The following NEK1 variants were observed in gnomAD, a reference collection of about 807,000 sequenced individuals.
The protein encoded by NEK1 is NIMA related kinase 1.
A neutral mutation model predicts 182.1 loss-of-function variants in NEK1; 137 were observed. The ratio of observed to expected loss-of-function variants is 0.75; its 90% CI spans 0.65 to 0.87. The LOEUF (loss-of-function observed/expected upper bound fraction) is 0.87. NEK1 is among the 40% of genes least tolerant of loss of function. NEK1 has a pLI of 0.00. For synonymous variants in NEK1, 513 were observed against 492.2 expected (o/e 1.04, Z -0.56); for missense variants, 1,391 against 1,494.4 (o/e 0.93, Z 1.14).
At chr4:169,474,478 T>G (rs1054428944) in intron 26 of NEK1, among the ~76,000 whole-genome samples, 7 of 152,222 alleles carry the variant, frequency 4.6e-5, no homozygotes, top group Non-Finnish European at 8.8e-5. Flanking sequence ...GAAAAGGTTC[T>G]AAACTCTCTT....
At chr4:169,430,533 T>A (rs1383320483) in intron 29 of NEK1, among the ~76,000 whole-genome samples, 1 of 152,114 alleles carries the variant, frequency 6.6e-6, no homozygotes. Flanking sequence ...TATAACTAGA[T>A]GACATTCTGG....
chr4:169,587,480 ATATAACT>A, intron 9 of NEK1, 72 bp downstream of exon 9: 1 of 802,282 alleles, frequency 1.2e-6, no homozygotes, highest in Middle Eastern at 3.4e-4. Flanking sequence ...CTGAAAGATA[ATATAACT>A]TAAAATATAA....
chr4:169,495,131 T>C (rs950728221), intron 23 of NEK1, among the ~76,000 whole-genome samples: 3 of 152,082 alleles, frequency 2.0e-5, no homozygotes, highest in African/African-American at 4.8e-5. Flanking sequence ...TTTGTTGCCA[T>C]TGCTTTTGGT....
chr4:169,564,744 A>G (rs887626504), intron 12 of NEK1, among the ~76,000 whole-genome samples: 1 of 152,192 alleles, frequency 6.6e-6, no homozygotes, highest in Non-Finnish European at 1.5e-5. Context: ...TGAATATATT[A>G]TTGAGTATGA....
At chr4:169,458,484 T>C (rs66657210) in intron 27 of NEK1, among the ~76,000 whole-genome samples, 43,129 of 151,860 alleles carry the variant, frequency 0.28, 8,732 homozygotes, top group African/African-American at 0.58. Context: ...TCCCAGCACT[T>C]TGGGAGGCTG....
At chr4:169,419,722 ATGGTATTAGCC>A (rs1735151819) in intron 31 of NEK1, among the ~76,000 whole-genome samples, 1 of 152,204 alleles carries the variant, frequency 6.6e-6, no homozygotes, top group Admixed American at 6.5e-5. Context: ...ACAAACCTAG[ATGGTATTAGCC>A]TACTACATAT....
Position 169,610,294 on chromosome 4 carries a change from G to A in NEK1, c.-49+1726C>T, listed in dbSNP as rs567016368. 1.5e-3 allele frequency among the ~76,000 whole-genome samples: 224 copies of A among 151,340 alleles called. 2 individuals carry two copies. Among genetic ancestry groups the A allele is most frequent in the Non-Finnish European group, 9.7e-4 (66 of 67,840 alleles). Reference sequence around the variant, plus strand: ...TGGGAATACAGGTGTGAGCCACAGCGTCTGACCCAGAATTTCTTTCTTTTT... The same window carrying A: ...TGGGAATACAGGTGTGAGCCACAGCATCTGACCCAGAATTTCTTTCTTTTT... On this transcript the variant is annotated intron_variant, in intron 2 of 35. Transcript: ENST00000507142.
At chr4:169,408,956 A>G (rs1438055816) in intron 31 of NEK1, among the ~76,000 whole-genome samples, 1 of 152,124 alleles carries the variant, frequency 6.6e-6, no homozygotes, top group African/African-American at 2.4e-5. Flanking sequence ...TCTTTTTCAT[A>G]TAATGACTTC....
chr4:169,507,812 G>A lies in NEK1; in HGVS notation c.1834-20C>T, dbSNP rs1276540009. 1.3e-6 allele frequency: 2 copies of A among 1,551,856 alleles called. No individual in the cohort carries two copies. Among genetic ancestry groups the A allele is most frequent in the East Asian group, 4.5e-5 (2 of 44,532 alleles). On this transcript the variant is annotated intron_variant, in intron 21 of 35. Transcript: ENST00000507142. ...TTCTTTCTACAAAATAAGTAGATAAGCAAATCACTTAGGATAGAATCATCA... is the reference window on the plus strand; with the variant it reads ...TTCTTTCTACAAAATAAGTAGATAAACAAATCACTTAGGATAGAATCATCA...
At chr4:169,578,819 C>T (rs192283039) in intron 11 of NEK1, among the ~76,000 whole-genome samples, 383 of 152,118 alleles carry the variant, frequency 2.5e-3, no homozygotes, top group Admixed American at 4.6e-3. Flanking sequence ...ATGGGATATA[C>T]GACGTGATAG....
At chr4:169,566,265 T>A (rs765107378) in intron 12 of NEK1, among the ~76,000 whole-genome samples, 7 of 152,200 alleles carry the variant, frequency 4.6e-5, no homozygotes, top group Admixed American at 2.0e-4. Flanking sequence ...AAGGCCAAGA[T>A]TGTATTCATC....
At chr4:169,562,875 G>C (rs1314300392) in intron 12 of NEK1, among the ~76,000 whole-genome samples, 3 of 151,870 alleles carry the variant, frequency 2.0e-5, no homozygotes, top group Admixed American at 2.0e-4. Context: ...ACCTAACTTT[G>C]GGGTTGTTAA....
intron 31 of NEK1, among the ~76,000 whole-genome samples, chr4:169,411,286 A>ATT (rs869305455): frequency 1.0e-3 from 141 of 138,322 alleles, no homozygotes; most frequent in South Asian, 1.7e-3. Flanking sequence ...ATCTGACTCT[A>ATT]TTTTTTTTTT....
At chr4:169,400,775 A>G (rs1205312467) in intron 33 of NEK1, 124 bp from the exon 34 acceptor site, 2 of 653,368 alleles carry the variant, frequency 3.1e-6, no homozygotes, top group East Asian at 3.1e-5. Flanking sequence ...CTTTCATTAT[A>G]AACAGTTTTT....
intron 27 of NEK1, among the ~76,000 whole-genome samples, chr4:169,458,203 G>T (rs1298571647): frequency 6.6e-6 from 1 of 151,974 alleles, no homozygotes. Flanking sequence ...CAAAAGAACA[G>T]GAAAAAAGTT....
chr4:169,431,420 G>A (rs947287758), intron 29 of NEK1, among the ~76,000 whole-genome samples: 2 of 152,012 alleles, frequency 1.3e-5, no homozygotes, highest in Admixed American at 6.6e-5. Flanking sequence ...AAATTGTTAA[G>A]TATATAGAAA....
chr4:169,568,013 T>C (rs1764000455), intron 12 of NEK1, among the ~76,000 whole-genome samples: 1 of 152,200 alleles, frequency 6.6e-6, no homozygotes, highest in Non-Finnish European at 1.5e-5. Context: ...GTCAGCCATA[T>C]GAAGAAACAG....
Position 169,393,160 on chromosome 4 carries a change from C to G in NEK1, c.*1350G>C, listed in dbSNP as rs1416305951. ...ATTAAAATATTGAATTCATTTTCTTCCATTATGAAGAAAGAAATCATCAGG... is the reference window on the plus strand; with the variant it reads ...ATTAAAATATTGAATTCATTTTCTTGCATTATGAAGAAAGAAATCATCAGG... On this transcript the variant is annotated 3_prime_UTR_variant, in exon 36 of 36. Coordinates refer to ENST00000507142, the MANE Select transcript of NEK1 (RefSeq NM_001199397.3). The G allele has an allele frequency of 3.3e-5, 5 of 152,050 alleles. No individual in the cohort carries two copies. Among genetic ancestry groups the G allele is most frequent in the African/African-American group, 1.2e-4 (5 of 41,404 alleles). The allele number at this position is 152,050 out of a possible 1,614,324, so 9.4% of individuals were successfully genotyped here. A position where few individuals can be genotyped will look rare whatever the true frequency, so the allele number is the denominator to read the frequency against.
intron 2 of NEK1, among the ~76,000 whole-genome samples, chr4:169,608,781 G>A (rs141398796): frequency 3.2e-4 from 49 of 152,142 alleles, no homozygotes; most frequent in African/African-American, 9.4e-4. Flanking sequence ...AATTTTGGCC[G>A]GGCATGGTGG....
Sources: gnomAD v4.1 joint callset for allele counts (sites outside exome capture counted in the v4.1 genomes callset) on GRCh38, gnomAD v4.1.1 for gene constraint, MANE v1.5 for transcripts, NCBI Gene and HGNC (gene_info 2026-07-23, HGNC 2026-07-21) for gene names.